The following TPTE variants were observed in gnomAD, a reference collection of about 807,000 sequenced individuals.
TPTE encodes transmembrane phosphatase with tensin homology, also known as putative tyrosine-protein phosphatase TPTE.
TPTE carries 59 observed loss-of-function variants against 84.1 expected under a neutral mutation model. The observed-to-expected ratio is 0.70, with a 90% CI of 0.57 to 0.87. The LOEUF is 0.87. Among genes scored for constraint, TPTE ranks in the 40% least tolerant of loss-of-function variants. The pLI is 0.00. For missense variants in TPTE, 382 were observed against 659.6 expected (o/e 0.58, Z 4.61); for synonymous variants, 130 against 223.5 (o/e 0.58, Z 3.73).
chr21:10,525,114 G>T (rs1377231496), intron 2 of TPTE, among the ~76,000 whole-genome samples: 1 of 152,310 alleles, frequency 6.6e-6, no homozygotes, highest in African/African-American at 2.4e-5. Flanking sequence ...CACAGAGATG[G>T]CCACCAAAAG....
intron 21 of TPTE, among the ~76,000 whole-genome samples, chr21:10,601,673 T>C (rs1229787383): frequency 9.5e-4 from 145 of 152,002 alleles, no homozygotes; most frequent in Non-Finnish European, 1.6e-3. Context: ...CCTAATATAG[T>C]GAAACCCCAT....
At chr21:10,534,148 C>G (rs1388484425) in intron 3 of TPTE, among the ~76,000 whole-genome samples, 1 of 152,312 alleles carries the variant, frequency 6.6e-6, no homozygotes, top group African/African-American at 2.4e-5. Context: ...GACTCAAGTA[C>G]AGAGGCAACC....
chr21:10,538,711 C>G lies in TPTE; in HGVS notation c.-13C>G, dbSNP rs781069303. On this transcript the variant is annotated 5_prime_UTR_variant, in exon 4 of 24. Coordinates refer to ENST00000618007, the MANE Select transcript of TPTE (RefSeq NM_199261.4). ...CCACAAATGAATTATCAGGAGTGAACCCAGAGGCACGTATGAATGAAAGGT... is the reference window on the plus strand; with the variant it reads ...CCACAAATGAATTATCAGGAGTGAAGCCAGAGGCACGTATGAATGAAAGGT... 27 of 1,613,914 alleles carry G rather than the reference C, an allele frequency of 1.7e-5. No individual in the cohort carries two copies. Among genetic ancestry groups the G allele is most frequent in the Non-Finnish European group, 2.2e-5 (26 of 1,179,846 alleles).
chr21:10,545,894 C>T (rs1160771324), intron 7 of TPTE, among the ~76,000 whole-genome samples: 1 of 151,838 alleles, frequency 6.6e-6, no homozygotes, highest in Non-Finnish European at 1.5e-5. Flanking sequence ...ATGTATATAT[C>T]CTTTAATATA....
At chr21:10,545,839 A>G (rs1286926096) in intron 7 of TPTE, among the ~76,000 whole-genome samples, 1 of 151,810 alleles carries the variant, frequency 6.6e-6, no homozygotes, top group Non-Finnish European at 1.5e-5. Context: ...ACATATCTAT[A>G]TATAGATATA....
chr21:10,575,301 G>C (rs2075128266), intron 14 of TPTE, among the ~76,000 whole-genome samples: 1 of 152,310 alleles, frequency 6.6e-6, no homozygotes, highest in South Asian at 2.1e-4. Flanking sequence ...TCACTGGGCA[G>C]GAATCCCTGT....
intron 20 of TPTE, among the ~76,000 whole-genome samples, chr21:10,597,039 CTACCTT>C (rs1216267808): frequency 6.6e-6 from 1 of 152,306 alleles, no homozygotes; most frequent in Non-Finnish European, 1.5e-5. Flanking sequence ...TTTTAATTCT[CTACCTT>C]TAGTTTTGTG....
At chr21:10,555,347 C>A (rs1487720772) in intron 8 of TPTE, among the ~76,000 whole-genome samples, 1 of 152,312 alleles carries the variant, frequency 6.6e-6, no homozygotes, top group South Asian at 2.1e-4. Context: ...GCTGGGACTA[C>A]AGGCATGCAC....
chr21:10,535,949 G>A (rs1248481385), intron 3 of TPTE, among the ~76,000 whole-genome samples: 2 of 152,312 alleles, frequency 1.3e-5, no homozygotes, highest in African/African-American at 4.8e-5. Context: ...TGGGGTAAGA[G>A]GCATGTTTCC....
At chr21:10,604,834 C>T (rs1175833966) in intron 23 of TPTE, among the ~76,000 whole-genome samples, 22 of 152,354 alleles carry the variant, frequency 1.4e-4, no homozygotes, top group African/African-American at 5.3e-4. Flanking sequence ...CTAAAGATTT[C>T]TGTAACATTT....
chr21:10,568,903 T>A (rs11910765), intron 11 of TPTE, among the ~76,000 whole-genome samples: 137 of 151,950 alleles, frequency 9.0e-4, no homozygotes, highest in African/African-American at 3.3e-3. Context: ...AGATTCCAGC[T>A]AGCACACTTC....
intron 14 of TPTE, among the ~76,000 whole-genome samples, chr21:10,572,030 G>A (rs1259186549): frequency 5.9e-5 from 9 of 152,228 alleles, no homozygotes; most frequent in Admixed American, 5.2e-4. Context: ...ATACAATCAA[G>A]AGCTTTAAAA....
Position 10,602,121 on chromosome 21 carries a change from G to A in TPTE, c.1420G>A (p.Asp474Asn). 2 of 1,613,110 alleles carry A rather than the reference G, an allele frequency of 1.2e-6. No homozygotes were observed. Among genetic ancestry groups the A allele is most frequent in the Non-Finnish European group, 1.7e-6 (2 of 1,179,058 alleles). ...TGTATTCGACGGTCTACCTCTGTATGATGATGTGAAAGTGCAGTTTTTCTA... is the reference window on the plus strand; with the variant it reads ...TGTATTCGACGGTCTACCTCTGTATAATGATGTGAAAGTGCAGTTTTTCTA... ...IDVFDGLPLYDDVKVQFFYSN... is the reference protein window; with the variant it reads ...IDVFDGLPLYNDVKVQFFYSN... Residue 474 changes from aspartate (D) to asparagine (N), a missense_variant, in exon 22 of 24, where the codon GAT becomes AAT. Physicochemically the swap from Asp to Asn is conservative, Grantham distance 23. Transcript: ENST00000618007.
At chr21:10,581,191 TATATACTGGAA>T (rs1436401073) in intron 17 of TPTE, among the ~76,000 whole-genome samples, 4 of 152,420 alleles carry the variant, frequency 2.6e-5, no homozygotes, top group South Asian at 4.1e-4. Context: ...GAATATTGTA[TATATACTGGAA>T]ATTTACAGTA....
At chr21:10,600,409 G>C (rs1287219005) in intron 21 of TPTE, among the ~76,000 whole-genome samples, 1 of 152,308 alleles carries the variant, frequency 6.6e-6, no homozygotes, top group Non-Finnish European at 1.5e-5. Context: ...AAAGTGCTAG[G>C]ATTACAGGCT....
intron 3 of TPTE, among the ~76,000 whole-genome samples, chr21:10,536,685 T>G (rs1221046588): frequency 6.6e-6 from 1 of 152,312 alleles, no homozygotes; most frequent in Non-Finnish European, 1.5e-5. Flanking sequence ...TCTTTTACAC[T>G]GTTTATAAAC....
At chr21:10,554,341 A>C (rs1458331845) in intron 8 of TPTE, among the ~76,000 whole-genome samples, 2 of 152,306 alleles carry the variant, frequency 1.3e-5, no homozygotes, top group Non-Finnish European at 2.9e-5. Context: ...GCTTGTTATA[A>C]ATTCTCAGAA....
At chr21:10,534,471 CTAGTTTAT>C (rs2074233709) in intron 3 of TPTE, among the ~76,000 whole-genome samples, 1 of 152,310 alleles carries the variant, frequency 6.6e-6, no homozygotes, top group African/African-American at 2.4e-5. Context: ...TTTAGAACAG[CTAGTTTAT>C]TAGTTGTAGG....
chr21:10,535,967 C>T (rs2074258546), intron 3 of TPTE, among the ~76,000 whole-genome samples: 1 of 152,312 alleles, frequency 6.6e-6, no homozygotes, highest in African/African-American at 2.4e-5. Flanking sequence ...TCCTTACAGA[C>T]TGCAGTTACA....
Sources: gnomAD v4.1 joint callset for allele counts (sites outside exome capture counted in the v4.1 genomes callset) on GRCh38, gnomAD v4.1.1 for gene constraint, MANE v1.5 for transcripts, NCBI Gene and HGNC (gene_info 2026-07-23, HGNC 2026-07-21) for gene names.